FGF1: variants seen among roughly 807,000 people sequenced by gnomAD.
FGF1 encodes the protein fibroblast growth factor 1, also known as beta-endothelial cell growth factor.
A neutral mutation model predicts 13.4 loss-of-function variants in FGF1; 9 were observed. The observed-to-expected ratio is 0.67, with a 90% CI of 0.40 to 1.17. The LOEUF is 1.17. Among genes scored for constraint, FGF1 ranks in the 50% most tolerant of loss-of-function variants. FGF1 has a pLI of 0.01. For missense variants in FGF1, 156 were observed against 192.7 expected (o/e 0.81, Z 1.13); for synonymous variants, 93 against 79.0 (o/e 1.18, Z -0.94).
At chr5:142,609,001 T>C (rs1758457801) in intron 2 of FGF1, among the ~76,000 whole-genome samples, 1 of 151,954 alleles carries the variant, frequency 6.6e-6, no homozygotes. Flanking sequence ...CCCATCGTGG[T>C]CATTTGAAAA....
At chr5:142,654,361 T>A (rs1767787623) in intron 1 of FGF1, among the ~76,000 whole-genome samples, 1 of 152,242 alleles carries the variant, frequency 6.6e-6, no homozygotes, top group East Asian at 1.9e-4. Flanking sequence ...TGTACCACCT[T>A]CTTGGAACTC....
chr5:142,693,129 ATCT>A (rs1482215182), intron 2 of FGF1, among the ~76,000 whole-genome samples: 1 of 152,096 alleles, frequency 6.6e-6, no homozygotes, highest in Non-Finnish European at 1.5e-5. Flanking sequence ...TTTTCCATCT[ATCT>A]TCTTCTCAGT....
chr5:142,647,820 A>G (rs1401705161), intron 1 of FGF1, among the ~76,000 whole-genome samples: 3 of 152,200 alleles, frequency 2.0e-5, no homozygotes, highest in Admixed American at 2.0e-4. Context: ...GGGTGGGATC[A>G]AGCCTGTAAT....
chr5:142,659,171 A>G (rs1264035051), intron 1 of FGF1, among the ~76,000 whole-genome samples: 1 of 151,642 alleles, frequency 6.6e-6, no homozygotes, highest in Non-Finnish European at 1.5e-5. Context: ...TTTACAAATA[A>G]AAGATAATAA....
intron 1 of FGF1, among the ~76,000 whole-genome samples, chr5:142,617,343 C>T (rs1037616361): frequency 2.0e-5 from 3 of 151,738 alleles, no homozygotes; most frequent in South Asian, 4.2e-4. Context: ...CCAGCCTGGG[C>T]GACAGAGCGA....
intron 1 of FGF1, among the ~76,000 whole-genome samples, chr5:142,680,262 C>A (rs1400328503): frequency 6.6e-6 from 1 of 152,144 alleles, no homozygotes; most frequent in African/African-American, 2.4e-5. Context: ...ATGTCCATTG[C>A]CACAACTGTC....
At chr5:142,637,187 G>A (rs1764404508) in intron 1 of FGF1, among the ~76,000 whole-genome samples, 1 of 151,918 alleles carries the variant, frequency 6.6e-6, no homozygotes, top group Non-Finnish European at 1.5e-5. Flanking sequence ...ACTGGCAGAT[G>A]AACTAAACTC....
At chr5:142,672,440 T>G (rs1026599835) in intron 1 of FGF1, among the ~76,000 whole-genome samples, 1 of 151,486 alleles carries the variant, frequency 6.6e-6, no homozygotes, top group Non-Finnish European at 1.5e-5. Flanking sequence ...CACAGCAAAT[T>G]ACTCACATCC....
intron 1 of FGF1, among the ~76,000 whole-genome samples, chr5:142,626,321 T>A (rs1366404609): frequency 1.3e-5 from 2 of 152,178 alleles, no homozygotes; most frequent in Non-Finnish European, 2.9e-5. Flanking sequence ...GTTCCCCCAT[T>A]TGGCAGCTAA....
chr5:142,656,579 T>C (rs1179992955), intron 1 of FGF1, among the ~76,000 whole-genome samples: 1 of 152,192 alleles, frequency 6.6e-6, no homozygotes. Flanking sequence ...TGCCCAAACA[T>C]CAATGCATGA....
At chr5:142,613,317 C>G (rs1263304083) in intron 2 of FGF1, among the ~76,000 whole-genome samples, 2 of 152,238 alleles carry the variant, frequency 1.3e-5, no homozygotes, top group African/African-American at 2.4e-5. Context: ...CCTCTGAGAA[C>G]CGGGCTGCCA....
rs115048543 is a variant in FGF1, at chr5:142,666,607, T to C, written c.-35+19350A>G. ...AAAGTGGCATATAAAGATGTCTACA[T>C]TATAACAAGAGAAGCCAAACTCAAG... On this transcript the variant is annotated intron_variant, in intron 1 of 3. Transcript: ENST00000337706. Among the ~76,000 whole-genome samples the C allele has an allele frequency of 6.1e-3, 936 of 152,276 alleles. 9 individuals carry two copies. The highest frequency in any genetic ancestry group is 0.021 in the African/African-American group (892 of 41,538).
chr5:142,619,019 C>G (rs1196099382), intron 1 of FGF1, among the ~76,000 whole-genome samples: 1 of 146,796 alleles, frequency 6.8e-6, no homozygotes, highest in African/African-American at 2.5e-5. Context: ...ACTGCAAGCT[C>G]CGCCTCCCAG....
At chr5:142,651,106 G>A (rs1767157869) in intron 1 of FGF1, among the ~76,000 whole-genome samples, 1 of 151,948 alleles carries the variant, frequency 6.6e-6, no homozygotes. Flanking sequence ...GCGAGGGCTG[G>A]GGATCCTGCC....
chr5:142,625,672 A>G (rs1200947393), intron 1 of FGF1, among the ~76,000 whole-genome samples: 1 of 152,236 alleles, frequency 6.6e-6, no homozygotes, highest in Non-Finnish European at 1.5e-5. Context: ...AGACGGACAC[A>G]TTAAAGCCCC....
rs1318099748 is a variant in FGF1 at position 142,592,508 on chromosome 5, A to G, written c.*2782T>C. ...ACATTGCAAACGACCAAAAGCACAT[A>G]TGTTCATGATGCTTTGTTCAGAGCT... On this transcript the variant is annotated 3_prime_UTR_variant, in exon 4 of 4. Coordinates refer to ENST00000337706, the MANE Select transcript of FGF1 (RefSeq NM_000800.5). The G allele has an allele frequency of 5.0e-6, 2 of 398,266 alleles. No individual in the cohort carries two copies. Among genetic ancestry groups the G allele is most frequent in the Non-Finnish European group, 8.9e-6 (2 of 225,874 alleles). 24.7% of individuals were successfully genotyped at this position (398,266 alleles called of 1,614,324 possible).
At chr5:142,633,162 A>C (rs1311477764) in intron 1 of FGF1, among the ~76,000 whole-genome samples, 1 of 151,994 alleles carries the variant, frequency 6.6e-6, no homozygotes. Context: ...CTCGTGATCC[A>C]CCTGCTTCGG....
chr5:142,690,296 G>T (rs944566477), upstream of FGF1, among the ~76,000 whole-genome samples: 2 of 152,026 alleles, frequency 1.3e-5, no homozygotes, highest in Non-Finnish European at 1.5e-5. Context: ...CCGAGATCGC[G>T]CCACTGCGCT....
chr5:142,628,149 G>A (rs971713242), intron 1 of FGF1, among the ~76,000 whole-genome samples: 46 of 152,310 alleles, frequency 3.0e-4, no homozygotes, highest in Non-Finnish European at 5.9e-4. Context: ...AATCCAAGAA[G>A]CTATACTAAG....
Sources: allele counts gnomAD v4.1 joint callset (sites outside exome capture counted in the v4.1 genomes callset), GRCh38; gene constraint gnomAD v4.1.1; transcripts MANE v1.5; gene names NCBI Gene and HGNC (gene_info 2026-07-23, HGNC 2026-07-21).